The following HKDC1 variants were observed in gnomAD, a reference collection of about 807,000 sequenced individuals.
HKDC1 encodes the protein hexokinase HKDC1.
A neutral mutation model predicts 96.6 loss-of-function variants in HKDC1; 66 were observed. The observed-to-expected ratio is 0.68, with a 90% CI of 0.56 to 0.84. The LOEUF is 0.84. Ranked by LOEUF, HKDC1 falls within the 40% of genes least tolerant of loss-of-function variation. The probability of loss-of-function intolerance (pLI) is 0.00; values close to 1 mark genes in which losing one functional copy is unlikely to be tolerated. For missense variants in HKDC1, 1,211 were observed against 1,208.1 expected (o/e 1.00, Z -0.04); for synonymous variants, 466 against 473.1 (o/e 0.98, Z 0.20).
At chr10:69,264,195 TTCTGTGTGTGTGTGTGTGTGTG>T (rs1235464032) in intron 16 of HKDC1, among the ~76,000 whole-genome samples, 1 of 112,262 alleles carries the variant, frequency 8.9e-6, no homozygotes, top group African/African-American at 3.3e-5. Context: ...ATAGATTTCC[TTCTGTGTGTGTGTGTGTGTGTG>T]TGTGTGTGTG....
chr10:69,258,700 A>G (rs1843758342), intron 14 of HKDC1, 76 bp from the exon 15 acceptor site: 3 of 1,440,238 alleles, frequency 2.1e-6, no homozygotes, highest in Non-Finnish European at 2.9e-6. Context: ...TTAAATTCTT[A>G]TTTGCTGCAC....
chr10:69,252,590 A>G (rs1044822135), intron 12 of HKDC1, among the ~76,000 whole-genome samples: 1 of 147,510 alleles, frequency 6.8e-6, no homozygotes, highest in Non-Finnish European at 1.5e-5. Flanking sequence ...GCTTGCAGTG[A>G]GCTGAGATCG....
intron 12 of HKDC1, among the ~76,000 whole-genome samples, chr10:69,252,570 A>G (rs1198723255): frequency 6.7e-6 from 1 of 148,690 alleles, no homozygotes; most frequent in East Asian, 2.0e-4. Flanking sequence ...GCGTGAACCC[A>G]GGAGGCGGAG....
intron 4 of HKDC1, among the ~76,000 whole-genome samples, chr10:69,236,799 T>A (rs1208664474): frequency 6.6e-6 from 1 of 151,554 alleles, no homozygotes; most frequent in Non-Finnish European, 1.5e-5. Flanking sequence ...AAAAAAATTG[T>A]ATCAAGGAAG....
chr10:69,221,998 G>T (rs1843073558), intron 1 of HKDC1, among the ~76,000 whole-genome samples: 2 of 152,056 alleles, frequency 1.3e-5, no homozygotes, highest in Non-Finnish European at 2.9e-5. Context: ...AAGGTGGGTG[G>T]ATCACCTGAG....
intron 16 of HKDC1, 158 bp downstream of exon 16, chr10:69,261,452 G>T (rs987214691): frequency 2.6e-4 from 166 of 646,554 alleles, no homozygotes; most frequent in Admixed American, 6.1e-4. Flanking sequence ...ACTGATTCAG[G>T]ATCGCTTTCA....
At position 69,240,690 on chromosome 10, in the gene HKDC1, C is replaced by T. The variant is rs149856737; in HGVS notation, c.630C>T (p.Thr210=). 4.6e-4 allele frequency: 743 copies of T among 1,614,030 alleles called. 12 individuals are homozygous for T. The South Asian group carries it at 6.2e-3, about 14-fold the overall frequency. The change falls in exon 6 of 18, where the codon ACC becomes ACT. Residue 210 remains threonine, a synonymous_variant. Coordinates refer to ENST00000354624, the MANE Select transcript of HKDC1 (RefSeq NM_025130.4). ...DVDILALVND[T]VGTMMTCAYD... is the part of the protein sequence containing the mutation. ...ACATCCTGGCCCTGGTCAATGACAC[C>T]GTGGGGACCATGATGACCTGTGCCT... is the stretch of plus-strand genomic sequence containing the variant.
chr10:69,262,733 T>G (rs1179520275), intron 16 of HKDC1, among the ~76,000 whole-genome samples: 1 of 152,160 alleles, frequency 6.6e-6, no homozygotes, highest in Admixed American at 6.5e-5. Context: ...CAGCAGCGAT[T>G]ATGTATTTTT....
Position 69,228,130 on chromosome 10 carries a change from G to A in HKDC1, c.226+761G>A, listed in dbSNP as rs139132109. ...AAAATTCAGGTGTCGGCAGGGCTGC[G>A]TTCCTTCTGGAAGCTTGAGGGGAGA... On this transcript the variant is annotated intron_variant, in intron 2 of 17. Transcript: ENST00000354624. Among the ~76,000 whole-genome samples, 837 of 152,266 alleles carry A rather than the reference G, an allele frequency of 5.5e-3. 2 individuals are homozygous for A. Among genetic ancestry groups the A allele is most frequent in the Non-Finnish European group, 9.5e-3 (644 of 68,014 alleles).
chr10:69,252,372 G>T (rs910739980), intron 12 of HKDC1, among the ~76,000 whole-genome samples: 3 of 152,048 alleles, frequency 2.0e-5, no homozygotes, highest in African/African-American at 7.2e-5. Flanking sequence ...CAGGCCGGGA[G>T]CGGTGGCTCA....
In HKDC1 at chr10:69,246,213, G is replaced by A. The variant is rs755672415; in HGVS notation, c.1010G>A (p.Arg337Gln). 2.8e-5 allele frequency: 45 copies of A among 1,614,048 alleles called. 2 individuals carry two copies. The highest frequency in any genetic ancestry group is 2.7e-4 in the South Asian group (25 of 91,068). The change falls in exon 8 of 18, where the codon CGG becomes CAG. Residue 337 changes from arginine (R) to glutamine (Q), a missense_variant. Coordinates refer to ENST00000354624, the MANE Select transcript of HKDC1 (RefSeq NM_025130.4). ...CACACTAAGGGCAAGATCGAAACAC[G>A]GCACGTGGCTGCCATGGAGAAGTAA... ...ALHTKGKIET[R>Q]HVAAMEKYKE...
intron 7 of HKDC1, among the ~76,000 whole-genome samples, chr10:69,245,503 G>A (rs551566887): frequency 1.2e-3 from 188 of 151,780 alleles, no homozygotes; most frequent in African/African-American, 4.2e-3. Flanking sequence ...CCAGGAGTTC[G>A]AGGCTGCAGT....
intron 2 of HKDC1, among the ~76,000 whole-genome samples, chr10:69,229,143 G>A (rs1313912093): frequency 6.6e-6 from 1 of 152,188 alleles, no homozygotes; most frequent in East Asian, 1.9e-4. Context: ...CCATGTCAGG[G>A]TCCCAGTGCC....
chr10:69,225,753 A>G (rs1717270935), intron 1 of HKDC1: 1 of 152,158 alleles, frequency 6.6e-6, no homozygotes, highest in South Asian at 2.1e-4. Context: ...CATGGGGGTG[A>G]GTGATCTAGA....
rs761103699 is a variant in HKDC1 at position 69,248,535 on chromosome 10, G to A, written c.1377G>A (p.Val459=). ...AGGGGGCCGCCATGGTGACCGCGGT[G>A]GCCTCCCGCGTGCAGGCCCAGCGGA... The part of the protein sequence containing the change: ...STKGAAMVTA[V]ASRVQAQRKQ... Residue 459 remains valine, a synonymous_variant, in exon 10 of 18, where the codon GTG becomes GTA. Coordinates refer to ENST00000354624, the MANE Select transcript of HKDC1 (RefSeq NM_025130.4). The A allele has an allele frequency of 6.2e-7, 1 of 1,614,016 alleles. No individual in the cohort carries two copies. Among genetic ancestry groups the A allele is most frequent in the Admixed American group, 1.7e-5 (1 of 60,024 alleles).
At chr10:69,220,997 A>C (rs982154084) in intron 1 of HKDC1, among the ~76,000 whole-genome samples, 3 of 152,124 alleles carry the variant, frequency 2.0e-5, no homozygotes, top group African/African-American at 7.2e-5. Context: ...TAAAAATACA[A>C]AAATTAGCTG....
chr10:69,251,087 CTTTTTTTT>C (rs869084452), intron 12 of HKDC1, among the ~76,000 whole-genome samples: 1 of 92,686 alleles, frequency 1.1e-5, no homozygotes. Context: ...AAATACATTT[CTTTTTTTT>C]TTTTTTTTTT....
At chr10:69,228,862 T>C (rs560739055) in intron 2 of HKDC1, among the ~76,000 whole-genome samples, 1 of 108,758 alleles carries the variant, frequency 9.2e-6, no homozygotes, top group South Asian at 2.7e-4. Flanking sequence ...CGAGACGCCA[T>C]CAAAAAAGAA....
At chr10:69,227,402 G>A (rs1456529066) in intron 2 of HKDC1, 33 bp downstream of exon 2, 3 of 1,612,690 alleles carry the variant, frequency 1.9e-6, no homozygotes, top group Non-Finnish European at 2.5e-6. Context: ...AGGGTCCCTG[G>A]CTCCTCTTGG....
Sources: allele counts gnomAD v4.1 joint callset (sites outside exome capture counted in the v4.1 genomes callset), GRCh38; gene constraint gnomAD v4.1.1; transcripts MANE v1.5; gene names NCBI Gene and HGNC (gene_info 2026-07-23, HGNC 2026-07-21).